The following TDRD3 variants were observed in gnomAD, a reference collection of about 807,000 sequenced individuals.
The protein encoded by TDRD3 is tudor domain-containing protein 3.
In TDRD3, 45 loss-of-function variants were observed where a neutral mutation model predicts 86.7. That is an observed-to-expected ratio of 0.52 (90% CI 0.41 to 0.67). TDRD3 has a LOEUF of 0.67. Among genes scored for constraint, TDRD3 ranks in the 30% least tolerant of loss-of-function variants. The pLI is 0.00. For missense variants in TDRD3, 814 were observed against 889.0 expected (o/e 0.92, Z 1.07); for synonymous variants, 298 against 301.7 (o/e 0.99, Z 0.13).
At chr13:60,538,346 A>C (rs1957740691) in intron 12 of TDRD3, among the ~76,000 whole-genome samples, 1 of 148,874 alleles carries the variant, frequency 6.7e-6, no homozygotes. Flanking sequence ...TTTTGTTGTC[A>C]TCCCTGATTT....
intron 10 of TDRD3, among the ~76,000 whole-genome samples, chr13:60,525,851 A>G (rs531133861): frequency 1.3e-5 from 2 of 152,336 alleles, no homozygotes; most frequent in African/African-American, 4.8e-5. Flanking sequence ...GAAATTCTTT[A>G]AGTAGATTGG....
intron 1 of TDRD3, among the ~76,000 whole-genome samples, chr13:60,403,043 C>T (rs1469520511): frequency 2.0e-5 from 3 of 152,176 alleles, no homozygotes; most frequent in African/African-American, 7.2e-5. Context: ...TATTGCTTTA[C>T]AGCTTCTGCT....
intron 1 of TDRD3, 57 bp downstream of exon 1, chr13:60,397,462 A>C (rs1953952595): frequency 2.1e-6 from 3 of 1,412,324 alleles, no homozygotes; most frequent in Admixed American, 2.6e-5. Context: ...GGCCCCAGGG[A>C]GGTTGGGTTG....
At chr13:60,504,809 C>T (rs894710991) in intron 8 of TDRD3, among the ~76,000 whole-genome samples, 4 of 152,098 alleles carry the variant, frequency 2.6e-5, no homozygotes, top group South Asian at 2.1e-4. Flanking sequence ...CAGAGTGGGG[C>T]GTTGCCTCAC....
intron 1 of TDRD3, among the ~76,000 whole-genome samples, chr13:60,402,951 C>T (rs1279124177): frequency 6.6e-6 from 1 of 152,128 alleles, no homozygotes; most frequent in Non-Finnish European, 1.5e-5. Flanking sequence ...TTGTAACTAT[C>T]TCTTTGGCTT....
chr13:60,415,940 A>G (rs1327220068), intron 1 of TDRD3, among the ~76,000 whole-genome samples: 1 of 152,178 alleles, frequency 6.6e-6, no homozygotes. Flanking sequence ...AGAAAGGGAG[A>G]ACTCTGGTTG....
chr13:60,462,571 G>A (rs1437176730), intron 4 of TDRD3, among the ~76,000 whole-genome samples: 1 of 152,080 alleles, frequency 6.6e-6, no homozygotes, highest in African/African-American at 2.4e-5. Flanking sequence ...GGATAAACCA[G>A]GTGCTAATAC....
intron 1 of TDRD3, among the ~76,000 whole-genome samples, chr13:60,403,987 G>A (rs1373738252): frequency 6.6e-6 from 1 of 152,176 alleles, no homozygotes; most frequent in Non-Finnish European, 1.5e-5. Flanking sequence ...GAGCTATGAT[G>A]TACAAGACAG....
At chr13:60,524,381 C>T (rs1012664916) in intron 10 of TDRD3, among the ~76,000 whole-genome samples, 1 of 151,718 alleles carries the variant, frequency 6.6e-6, no homozygotes, top group Non-Finnish European at 1.5e-5. Context: ...GTGGTCTGCA[C>T]CTGTAATTCC....
At position 60,478,205 on chromosome 13, in the gene TDRD3, A is replaced by G. The variant is rs1028743985; in HGVS notation, c.496-5570A>G. 6.1e-5 allele frequency among the ~76,000 whole-genome samples: 9 copies of G among 146,712 alleles called. No homozygotes were observed. The East Asian group carries it at 1.5e-3, about 24-fold the overall frequency. On this transcript the variant is annotated intron_variant, in intron 5 of 13. Transcript: ENST00000377881. ...TGAGGATCTTTTGTATTTCTGTGGG[A>G]TTGGTTGTAATACCATATTTGTGAT... is the stretch of plus-strand genomic sequence containing the variant.
rs536959481 is a variant in TDRD3 at position 60,535,134 on chromosome 13, C to G, written c.2019C>G (p.Leu673=). Residue 673 remains leucine, a synonymous_variant, in exon 12 of 14, where the codon CTC becomes CTG. Transcript: ENST00000377881. ...NKFYRAEVEA[L]HSSGMTAVVK... is the part of the protein sequence containing the mutation. ...TTTACCGGGCAGAAGTTGAAGCCCT[C>G]CATTCTTCGGGTATGACAGCAGTTG... 49 of 1,613,852 alleles carry G rather than the reference C, an allele frequency of 3.0e-5. No individual in the cohort carries two copies. In the East Asian group the frequency reaches 1.0e-3, roughly 35 times the overall value.
In TDRD3 at chr13:60,400,155, A is replaced by T. The variant is rs1207787622; in HGVS notation, c.41+2750A>T. ...CACTAAATGGTACCTTGTAAAGCTT[A>T]ATTATATGCATGGAATAACTTCACG... On this transcript the variant is annotated intron_variant, in intron 1 of 13. Transcript: ENST00000377881. Among the ~76,000 whole-genome samples, 3 of 152,350 alleles carry T rather than the reference A, an allele frequency of 2.0e-5. No individual in the cohort carries two copies. The East Asian group carries it at 5.8e-4, about 29-fold the overall frequency.
intron 1 of TDRD3, among the ~76,000 whole-genome samples, chr13:60,432,397 C>A (rs1351956821): frequency 6.6e-6 from 1 of 152,080 alleles, no homozygotes; most frequent in Admixed American, 6.6e-5. Context: ...TCTTGTTATT[C>A]ATTATGGCAA....
intron 4 of TDRD3, 33 bp downstream of exon 4, chr13:60,460,573 A>G (rs377332574): frequency 2.4e-5 from 36 of 1,506,768 alleles, no homozygotes; most frequent in Non-Finnish European, 3.1e-5. Flanking sequence ...TATTTGTTAC[A>G]GAATGTTGAA....
intron 12 of TDRD3, among the ~76,000 whole-genome samples, chr13:60,555,852 CTTTTTTT>C (rs35001150): frequency 7.1e-6 from 1 of 140,498 alleles, no homozygotes; most frequent in East Asian, 2.1e-4. Context: ...CTATTTCTTT[CTTTTTTT>C]TTTTTTTTTG....
intron 8 of TDRD3, among the ~76,000 whole-genome samples, chr13:60,507,342 G>A (rs539464862): frequency 2.6e-5 from 4 of 152,008 alleles, no homozygotes; most frequent in Admixed American, 1.3e-4. Flanking sequence ...TGGACCAAGC[G>A]GACCTAATAG....
intron 1 of TDRD3, among the ~76,000 whole-genome samples, chr13:60,400,197 C>G (rs955062059): frequency 5.9e-5 from 9 of 152,150 alleles, no homozygotes; most frequent in African/African-American, 1.9e-4. Flanking sequence ...AGAAATTTGA[C>G]TCTGAATTTA....
At chr13:60,411,371 AG>A (rs1415593259) in intron 1 of TDRD3, among the ~76,000 whole-genome samples, 1 of 152,226 alleles carries the variant, frequency 6.6e-6, no homozygotes, top group East Asian at 1.9e-4. Context: ...TGCCTACTGA[AG>A]TTTGATTATC....
At chr13:60,401,283 T>C (rs184331029) in intron 1 of TDRD3, among the ~76,000 whole-genome samples, 26 of 152,012 alleles carry the variant, frequency 1.7e-4, no homozygotes, top group Admixed American at 1.6e-3. Context: ...AAAAATAATA[T>C]GAATAAAAAA....
Sources: gnomAD v4.1 joint callset for allele counts (sites outside exome capture counted in the v4.1 genomes callset) on GRCh38, gnomAD v4.1.1 for gene constraint, MANE v1.5 for transcripts, NCBI Gene and HGNC (gene_info 2026-07-23, HGNC 2026-07-21) for gene names.